SEMA5B: variants seen among roughly 807,000 people sequenced by gnomAD.
SEMA5B encodes semaphorin 5B, also known as semaphorin-5B.
Under a neutral mutation model 135.0 loss-of-function variants are expected in SEMA5B, and 66 were observed. The ratio of observed to expected loss-of-function variants is 0.49; its 90% CI spans 0.40 to 0.60. The LOEUF is 0.60. SEMA5B is among the 20% of genes least tolerant of loss of function. The probability of loss-of-function intolerance (pLI) is 0.00; values close to 1 mark genes in which losing one functional copy is unlikely to be tolerated. For missense variants in SEMA5B, 1,501 were observed against 1,566.3 expected, an observed-to-expected ratio of 0.96 and a Z score of 0.70; for synonymous variants, 690 against 639.5, an observed-to-expected ratio of 1.08 and a Z score of -1.19.
At chr3:122,999,520 C>A (rs190913426) in intron 1 of SEMA5B, among the ~76,000 whole-genome samples, 9 of 151,580 alleles carry the variant, frequency 5.9e-5, no homozygotes, top group Admixed American at 1.3e-4. Context: ...CCACCATGCC[C>A]GGCCTTAAGT....
Position 122,977,043 on chromosome 3 carries a change from C to T in SEMA5B, c.-38-15742G>A, listed in dbSNP as rs147383030. 1.4e-3 allele frequency among the ~76,000 whole-genome samples: 216 copies of T among 152,276 alleles called. 1 individual carries two copies. Among genetic ancestry groups the T allele is most frequent in the African/African-American group, 4.9e-3 (203 of 41,548 alleles). On this transcript the variant is annotated intron_variant, in intron 1 of 22. Transcript: ENST00000357599. The stretch of plus-strand genomic sequence containing the variant: ...CCAGCCTGGGCAACAGAGTGAGACT[C>T]TGTCTTGAAAAAGAAAAAAAGCCCT...
At chr3:122,992,911 CT>C (rs1422503448) in intron 1 of SEMA5B, 1 of 149,696 alleles carries the variant, frequency 6.7e-6, no homozygotes, top group Non-Finnish European at 1.5e-5. Flanking sequence ...GGCTCTCCCA[CT>C]CCTTGCCCCC....
chr3:122,938,313 A>G (rs1222008931), intron 5 of SEMA5B, among the ~76,000 whole-genome samples: 1 of 152,172 alleles, frequency 6.6e-6, no homozygotes, highest in Admixed American at 6.5e-5. Flanking sequence ...TATGGATAGA[A>G]GGACAGATGG....
In SEMA5B at chr3:122,975,920, C is replaced by G. The variant is rs73856781; in HGVS notation, c.-38-14619G>C. ...TGCCTCAGACTCCCTCTCCTGCCCC[C>G]TCTCTGGCCATTCCCCCTCCATCCA... On this transcript the variant is annotated intron_variant, in intron 1 of 22. Transcript: ENST00000357599. The G allele has an allele frequency of 1.9e-3, 2,941 of 1,508,892 alleles. 5 individuals carry two copies. Among genetic ancestry groups the G allele is most frequent in the Non-Finnish European group, 2.0e-3 (2,278 of 1,128,060 alleles). 93.5% of individuals were successfully genotyped at this position (1,508,892 alleles called of 1,614,324 possible).
intron 1 of SEMA5B, among the ~76,000 whole-genome samples, chr3:122,968,909 C>T (rs1291749447): frequency 6.6e-6 from 1 of 152,186 alleles, no homozygotes; most frequent in Admixed American, 6.5e-5. Context: ...TTTGAGCATT[C>T]TAACATCTTC....
intron 2 of SEMA5B, 151 bp downstream of exon 2, chr3:122,960,989 A>G: frequency 1.2e-6 from 1 of 802,686 alleles, no homozygotes; most frequent in South Asian, 2.6e-5. Flanking sequence ...ATATGTTACC[A>G]CAATTTTTAA....
At position 122,913,583 on chromosome 3, in the gene SEMA5B, G is replaced by C; in HGVS notation, c.2231C>G (p.Ser744Trp). The change falls in exon 16 of 23, where the codon TCG (serine) becomes TGG (tryptophan). Residue 744 changes from serine (S) to tryptophan (W), a missense_variant. Physicochemically the swap from Ser to Trp is radical, Grantham distance 177. Transcript: ENST00000357599. Reference protein sequence around the residue: ...CSSNCGGGMQSRRRACENGNS... With the variant: ...CSSNCGGGMQWRRRACENGNS... ...GCCGTTCTCGCAGGCCCGACGCCGC[G>C]ACTGCATGCCCCCTCCACAGTTGCT... The C allele has an allele frequency of 6.2e-7, 1 of 1,613,202 alleles. No homozygotes were observed. Among genetic ancestry groups the C allele is most frequent in the Non-Finnish European group, 8.5e-7 (1 of 1,179,920 alleles).
chr3:122,930,780 T>A (rs1307541859), intron 5 of SEMA5B, among the ~76,000 whole-genome samples: 1 of 152,212 alleles, frequency 6.6e-6, no homozygotes, highest in Non-Finnish European at 1.5e-5. Context: ...GTGAAACACA[T>A]AGCCTTTTGC....
chr3:123,002,542 A>C (rs1942204515), intron 1 of SEMA5B, among the ~76,000 whole-genome samples: 1 of 152,224 alleles, frequency 6.6e-6, no homozygotes, highest in South Asian at 2.1e-4. Context: ...CAATTAACTA[A>C]GTGAGAAGCT....
intron 1 of SEMA5B, among the ~76,000 whole-genome samples, chr3:122,963,218 C>T (rs781201455): frequency 6.6e-6 from 1 of 152,136 alleles, no homozygotes; most frequent in East Asian, 1.9e-4. Flanking sequence ...CCAAACTGGC[C>T]GAGTGCAGTG....
At chr3:122,929,825 A>T (rs984788098) in intron 5 of SEMA5B, among the ~76,000 whole-genome samples, 3 of 152,104 alleles carry the variant, frequency 2.0e-5, no homozygotes, top group Non-Finnish European at 4.4e-5. Flanking sequence ...GGACAGTGCC[A>T]TGTTCTCACA....
intron 1 of SEMA5B, among the ~76,000 whole-genome samples, chr3:123,008,701 T>C (rs1320596749): frequency 6.6e-6 from 1 of 152,078 alleles, no homozygotes; most frequent in African/African-American, 2.4e-5. Context: ...AGAAAAAGCA[T>C]AGACAATCCA....
Position 122,927,810 on chromosome 3 carries a change from T to C in SEMA5B, c.830A>G (p.Tyr277Cys), listed in dbSNP as rs778678885. The C allele has an allele frequency of 2.0e-6, 3 of 1,483,766 alleles. No homozygotes were observed. Among genetic ancestry groups the C allele is most frequent in the Admixed American group, 2.3e-5 (1 of 43,998 alleles). The allele number at this position is 1,483,766 out of a possible 1,614,324, so 91.9% of individuals were successfully genotyped here. Residue 277 changes from tyrosine (Y) to cysteine (C), a missense_variant, in exon 8 of 23, where the codon TAT (tyrosine) becomes TGT (cysteine). Physicochemically the swap from Tyr to Cys is radical, Grantham distance 194. Transcript: ENST00000357599. ...CTTACCATTAAGCCACTTGGAGTTATATTGGGCAGTGCGAAGCGGTGGCCC... is the reference window on the plus strand; with the variant it reads ...CTTACCATTAAGCCACTTGGAGTTACATTGGGCAGTGCGAAGCGGTGGCCC... ...GSGPPLRTAQ[Y>C]NSKWLNEPNF...
At chr3:123,007,950 G>A (rs1319244747) in intron 1 of SEMA5B, among the ~76,000 whole-genome samples, 1 of 152,188 alleles carries the variant, frequency 6.6e-6, no homozygotes, top group Admixed American at 6.5e-5. Flanking sequence ...ACTAAGGAAA[G>A]ACACAGAAAA....
rs148111755 is a variant in SEMA5B at position 122,975,453 on chromosome 3, T to A, written c.-38-14152A>T. 1,050 of 154,282 alleles carry A rather than the reference T, an allele frequency of 6.8e-3. 11 individuals carry two copies. Among genetic ancestry groups the A allele is most frequent in the Non-Finnish European group, 0.011 (794 of 69,198 alleles). 9.6% of individuals were successfully genotyped at this position (154,282 alleles called of 1,614,324 possible). ...CCCCCCTGCCTCGGCACAGCCTGGG[T>A]CGACACTGAGCACTCACACCACAAA... On this transcript the variant is annotated intron_variant, in intron 1 of 22. Coordinates refer to ENST00000357599, the MANE Select transcript of SEMA5B (RefSeq NM_001031702.4).
In SEMA5B at chr3:122,910,446, T is replaced by C. The variant is rs13434349; in HGVS notation, c.3298-145A>G. 0.011 allele frequency: 8,737 copies of C among 817,728 alleles called. 487 individuals are homozygous for C. The African/African-American group carries it at 0.13, about 12-fold the overall frequency. 50.7% of individuals were successfully genotyped at this position (817,728 alleles called of 1,614,324 possible). On this transcript the variant is annotated intron_variant, in intron 22 of 22. Coordinates refer to ENST00000357599, the MANE Select transcript of SEMA5B (RefSeq NM_001031702.4). ...CTCTGTTCACACCACCACTGCCCAG[T>C]TCCACCCAGCTGAGGGCCAGAACCC...
chr3:122,987,969 A>G (rs1427974938), intron 1 of SEMA5B, among the ~76,000 whole-genome samples: 1 of 152,050 alleles, frequency 6.6e-6, no homozygotes, highest in African/African-American at 2.4e-5. Context: ...AAATGCTGAG[A>G]CCAGCCATAG....
At position 122,988,398 on chromosome 3, in the gene SEMA5B, G is replaced by A. The variant is rs550733094; in HGVS notation, c.-38-27097C>T. Among the ~76,000 whole-genome samples, 3 of 152,348 alleles carry A rather than the reference G, an allele frequency of 2.0e-5. No homozygotes were observed. The East Asian group carries it at 5.8e-4, about 29-fold the overall frequency. On this transcript the variant is annotated intron_variant, in intron 1 of 22. Transcript: ENST00000357599. Reference sequence around the variant, plus strand: ...ACCCAGCTAAAATCAAACACCGTCTGTATCCTCCATGTGCTAAAGTCAAGT... The same window carrying A: ...ACCCAGCTAAAATCAAACACCGTCTATATCCTCCATGTGCTAAAGTCAAGT...
chr3:122,948,449 T>C lies in SEMA5B; in HGVS notation c.328+57A>G, dbSNP rs567645791. On this transcript the variant is annotated intron_variant, in intron 3 of 22. Coordinates refer to ENST00000357599, the MANE Select transcript of SEMA5B (RefSeq NM_001031702.4). ...AGAAACATCCTGCCAAGGTCTGACC[T>C]AAGTCCTTCAGGACACGGCCATTGC... The C allele has an allele frequency of 3.4e-6, 5 of 1,474,640 alleles. No individual in the cohort carries two copies. In the Admixed American group the frequency reaches 9.2e-5, roughly 27 times the overall value. 91.3% of individuals were successfully genotyped at this position (1,474,640 alleles called of 1,614,324 possible).
Sources: allele counts gnomAD v4.1 joint callset (sites outside exome capture counted in the v4.1 genomes callset), GRCh38; gene constraint gnomAD v4.1.1; transcripts MANE v1.5; gene names NCBI Gene and HGNC (gene_info 2026-07-23, HGNC 2026-07-21).